The following TRAPPC10 variants were observed in gnomAD, a reference collection of about 807,000 sequenced individuals.
TRAPPC10 encodes the protein trafficking protein particle complex subunit 10.
A neutral mutation model predicts 125.5 loss-of-function variants in TRAPPC10; 23 were observed. That is an observed-to-expected ratio of 0.18 (90% confidence interval 0.13 to 0.26). The LOEUF is 0.26. Among genes scored for constraint, TRAPPC10 ranks in the 10% least tolerant of loss-of-function variants. The probability of loss-of-function intolerance (pLI) is 1.00; values close to 1 mark genes in which losing one functional copy is unlikely to be tolerated. For synonymous variants in TRAPPC10, 509 were observed against 518.0 expected, an observed-to-expected ratio of 0.98 and a Z score of 0.24; for missense variants, 1,123 against 1,308.4, an observed-to-expected ratio of 0.86 and a Z score of 2.19.
intron 10 of TRAPPC10, 33 bp from the exon 11 acceptor site, chr21:44,077,659 TC>T (rs746288783): frequency 2.1e-5 from 30 of 1,455,934 alleles, no homozygotes; most frequent in Non-Finnish European, 2.9e-5. Context: ...CATTAAAAGT[TC>T]AAGTACATAA....
At chr21:44,078,675 C>T (rs1314739171) in intron 11 of TRAPPC10, among the ~76,000 whole-genome samples, 4 of 152,140 alleles carry the variant, frequency 2.6e-5, no homozygotes, top group Non-Finnish European at 5.9e-5. Context: ...TCTTGAACTT[C>T]CATGCTGTGT....
At chr21:44,057,513 G>A (rs1264622202) in intron 5 of TRAPPC10, among the ~76,000 whole-genome samples, 4 of 152,162 alleles carry the variant, frequency 2.6e-5, no homozygotes, top group African/African-American at 7.2e-5. Context: ...GCCCAGGCTG[G>A]TCTCAAACTC....
At chr21:44,038,240 G>A (rs762326881) in intron 3 of TRAPPC10, among the ~76,000 whole-genome samples, 1 of 152,220 alleles carries the variant, frequency 6.6e-6, no homozygotes, top group East Asian at 1.9e-4. Flanking sequence ...CTGGTCTGGC[G>A]TGCTGTGCTC....
intron 1 of TRAPPC10, among the ~76,000 whole-genome samples, chr21:44,022,091 G>A (rs1368017763): frequency 7.3e-6 from 1 of 137,100 alleles, no homozygotes; most frequent in Non-Finnish European, 1.6e-5. Flanking sequence ...CACCTAAAAC[G>A]TTTCTTTCTT....
intron 17 of TRAPPC10, chr21:44,089,219 TC>T: frequency 3.0e-6 from 1 of 329,638 alleles, no homozygotes; most frequent in Non-Finnish European, 6.0e-6. Flanking sequence ...TATCCTCTCT[TC>T]CCTGGCACTG....
intron 19 of TRAPPC10, 121 bp from the exon 20 acceptor site, chr21:44,093,942 G>A: frequency 1.9e-6 from 2 of 1,032,056 alleles, no homozygotes; most frequent in South Asian, 1.6e-5. Flanking sequence ...GTGCTGTGAG[G>A]CGGGGCCTGC....
At chr21:44,065,288 C>T (rs775257100) in intron 7 of TRAPPC10, among the ~76,000 whole-genome samples, 10 of 152,172 alleles carry the variant, frequency 6.6e-5, no homozygotes, top group Non-Finnish European at 1.2e-4. Context: ...TCACAGGAGC[C>T]ATACGGGGTC....
intron 1 of TRAPPC10, among the ~76,000 whole-genome samples, chr21:44,019,549 A>G (rs2032260142): frequency 1.3e-5 from 2 of 152,220 alleles, no homozygotes; most frequent in Admixed American, 6.5e-5. Flanking sequence ...TTAAAAATTG[A>G]TAACCTTGGA....
intron 7 of TRAPPC10, among the ~76,000 whole-genome samples, chr21:44,067,018 AT>A (rs1451913074): frequency 1.3e-5 from 2 of 152,060 alleles, no homozygotes; most frequent in Non-Finnish European, 2.9e-5. Context: ...TGCCCAAGTG[AT>A]TTTTTGGGGG....
At chr21:44,080,754 G>A (rs955561273) in intron 13 of TRAPPC10, among the ~76,000 whole-genome samples, 1 of 151,852 alleles carries the variant, frequency 6.6e-6, no homozygotes, top group African/African-American at 2.4e-5. Flanking sequence ...GGCCAGGCTG[G>A]TCTCAGACTC....
chr21:44,045,557 CT>C (rs536730788), intron 3 of TRAPPC10, among the ~76,000 whole-genome samples: 2 of 150,282 alleles, frequency 1.3e-5, no homozygotes, highest in African/African-American at 2.5e-5. Flanking sequence ...TTTTTTCTTT[CT>C]TTTTTCTTTT....
intron 1 of TRAPPC10, among the ~76,000 whole-genome samples, chr21:44,018,427 G>A (rs937963808): frequency 5.9e-5 from 9 of 152,126 alleles, no homozygotes; most frequent in Middle Eastern, 3.4e-3. Context: ...AAGGCTGGGC[G>A]CAGTGACTCA....
intron 6 of TRAPPC10, among the ~76,000 whole-genome samples, chr21:44,061,488 C>T (rs1323475903): frequency 1.1e-4 from 16 of 151,156 alleles, no homozygotes; most frequent in African/African-American, 3.4e-4. Context: ...AGGCTGGTCT[C>T]GATCTCTTAA....
chr21:44,079,861 A>G, intron 12 of TRAPPC10, 154 bp from the exon 13 acceptor site: 1 of 1,082,760 alleles, frequency 9.2e-7, no homozygotes, highest in African/African-American at 1.6e-5. Flanking sequence ...TGTCTAGTCG[A>G]TTTTTTATAA....
At chr21:44,030,532 A>G (rs1431528860) in intron 1 of TRAPPC10, among the ~76,000 whole-genome samples, 2 of 151,714 alleles carry the variant, frequency 1.3e-5, no homozygotes, top group Non-Finnish European at 2.9e-5. Context: ...CAATGGTGCA[A>G]TCTTGGCTCA....
chr21:44,052,817 G>A (rs926753647), intron 4 of TRAPPC10, among the ~76,000 whole-genome samples: 41 of 151,636 alleles, frequency 2.7e-4, no homozygotes, highest in African/African-American at 9.9e-4. Flanking sequence ...TTGAAATGAC[G>A]GCACCTGTGT....
chr21:44,019,259 A>G (rs2032226854), intron 1 of TRAPPC10, among the ~76,000 whole-genome samples: 1 of 152,166 alleles, frequency 6.6e-6, no homozygotes, highest in African/African-American at 2.4e-5. Context: ...CATGTTGCCC[A>G]GGCACGTTTT....
chr21:44,044,098 T>G (rs73375110), intron 3 of TRAPPC10, among the ~76,000 whole-genome samples: 1 of 152,348 alleles, frequency 6.6e-6, no homozygotes, highest in African/African-American at 2.4e-5. Context: ...CTGGAGGCAT[T>G]TTGATTGGGA....
chr21:44,063,392 A>G lies in TRAPPC10; in HGVS notation c.791-146A>G, dbSNP rs1045190317. ...GCTGTCAGTGCTGGGAGCCGAATGC[A>G]TCACTAGACCACAGGGGGTGGGCCA... On this transcript the variant is annotated intron_variant, in intron 6 of 22. Transcript: ENST00000291574. The surrounding 1 kb of genome is among the most constrained non-coding windows in gnomAD (Gnocchi z 4.4). 8 of 1,289,874 alleles carry G rather than the reference A, an allele frequency of 6.2e-6. No homozygotes were observed. The South Asian group carries it at 9.9e-5, about 16-fold the overall frequency. The allele number at this position is 1,289,874 out of a possible 1,614,324, so 79.9% of individuals were successfully genotyped here.
Sources: gnomAD v4.1 joint callset for allele counts (sites outside exome capture counted in the v4.1 genomes callset) on GRCh38, gnomAD v4.1.1 for gene constraint, Gnocchi (gnomAD v3.1) non-coding constraint, MANE v1.5 for transcripts, NCBI Gene and HGNC (gene_info 2026-07-23, HGNC 2026-07-21) for gene names.